HPSE2: variants seen among roughly 807,000 people sequenced by gnomAD.
HPSE2 encodes the protein inactive heparanase-2.
In HPSE2, 38 loss-of-function variants were observed where a neutral mutation model predicts 60.5. The observed-to-expected ratio is 0.63, with a 90% CI of 0.48 to 0.82. The LOEUF (loss-of-function observed/expected upper bound fraction) is 0.82, where lower values mean the gene tolerates loss of function less well. Among genes scored for constraint, HPSE2 ranks in the 40% least tolerant of loss-of-function variants. The pLI is 0.00. For synonymous variants in HPSE2, 295 were observed against 293.2 expected, an observed-to-expected ratio of 1.01 and a Z score of -0.06; for missense variants, 713 against 740.4, an observed-to-expected ratio of 0.96 and a Z score of 0.43.
At chr10:98,960,720 TGTTTTA>T (rs1363162659) in intron 3 of HPSE2, among the ~76,000 whole-genome samples, 3,735 of 69,248 alleles carry the variant, frequency 0.054, 60 homozygotes, top group Middle Eastern at 0.12. Context: ...TTTTTTTTTT[TGTTTTA>T]TTTTTTTTAT....
In HPSE2 at chr10:98,614,912, G is replaced by T. The variant is rs1945861680; in HGVS notation, c.1312C>A (p.Pro438Thr). Residue 438 changes from proline (P) to threonine (T), a missense_variant, in exon 9 of 12, where the codon CCA becomes ACA. Coordinates refer to ENST00000370552, the MANE Select transcript of HPSE2 (RefSeq NM_021828.5). ...CTTTATCCCACACTTACTGGTAATG[G>T]GTTAAAATTCTGGTCCACGAGGTGA... Reference protein sequence around the residue: ...YNHLVDQNFNPLPDYWLSLLY... With the variant: ...YNHLVDQNFNTLPDYWLSLLY... 1 of 1,607,194 alleles carries T rather than the reference G, an allele frequency of 6.2e-7. No homozygotes were observed. Among genetic ancestry groups the T allele is most frequent in the Admixed American group, 1.7e-5 (1 of 59,986 alleles).
At chr10:98,952,404 G>A (rs1000416170) in intron 3 of HPSE2, among the ~76,000 whole-genome samples, 2 of 151,478 alleles carry the variant, frequency 1.3e-5, no homozygotes, top group African/African-American at 4.9e-5. Flanking sequence ...TTTGGAAGGT[G>A]GAAAGGAGTG....
At chr10:99,000,476 A>C (rs1956752665) in intron 3 of HPSE2, among the ~76,000 whole-genome samples, 2 of 152,160 alleles carry the variant, frequency 1.3e-5, no homozygotes, top group Non-Finnish European at 1.5e-5. Context: ...GCATAGAGTG[A>C]CAAGAGATAA....
chr10:98,843,120 G>C (rs1358371949), intron 3 of HPSE2, among the ~76,000 whole-genome samples: 1 of 151,972 alleles, frequency 6.6e-6, no homozygotes, highest in Non-Finnish European at 1.5e-5. Context: ...TTGTGATACA[G>C]ATTATTTCAT....
intron 6 of HPSE2, among the ~76,000 whole-genome samples, chr10:98,687,043 A>G (rs1397867402): frequency 6.6e-6 from 1 of 151,686 alleles, no homozygotes; most frequent in East Asian, 1.9e-4. Context: ...GGATTTTTCT[A>G]TTTTTTTCTC....
chr10:98,473,287 C>G (rs1025545992), intron 11 of HPSE2, among the ~76,000 whole-genome samples: 3 of 151,868 alleles, frequency 2.0e-5, no homozygotes, highest in African/African-American at 7.3e-5. Context: ...GAGTTTGAGA[C>G]CAGCCTGACC....
At chr10:98,727,000 C>G (rs181823891) in intron 4 of HPSE2, among the ~76,000 whole-genome samples, 1 of 152,196 alleles carries the variant, frequency 6.6e-6, no homozygotes, top group Non-Finnish European at 1.5e-5. Context: ...TAAGCAAAAC[C>G]TCTGATCAAT....
chr10:98,495,594 A>G (rs1300767233), intron 9 of HPSE2, among the ~76,000 whole-genome samples: 1 of 151,926 alleles, frequency 6.6e-6, no homozygotes, highest in Non-Finnish European at 1.5e-5. Flanking sequence ...TGTTCCTCAG[A>G]CTAGATAATT....
chr10:99,232,334 A>C lies in HPSE2; in HGVS notation c.448+14T>G, dbSNP rs1849682004. 1 of 1,551,512 alleles carries C rather than the reference A, an allele frequency of 6.4e-7. No homozygotes were observed. The highest frequency in any genetic ancestry group is 1.4e-5 in the African/African-American group (1 of 73,154). On this transcript the variant is annotated intron_variant, in intron 2 of 11. Transcript: ENST00000370552. The stretch of plus-strand genomic sequence containing the variant: ...TCCGCTCCCCAAATAAAGAATGGTA[A>C]TCAAGTTTCTCACCATCCTCATAGT...
chr10:99,131,101 C>A (rs765083681), intron 3 of HPSE2, among the ~76,000 whole-genome samples: 5 of 152,160 alleles, frequency 3.3e-5, no homozygotes, highest in Non-Finnish European at 7.3e-5. Flanking sequence ...ATGATCATCT[C>A]AATAGATACA....
At chr10:99,184,819 T>TATAGAGAG (rs1554912295) in intron 2 of HPSE2, among the ~76,000 whole-genome samples, 2 of 19,866 alleles carry the variant, frequency 1.0e-4, no homozygotes, top group African/African-American at 3.3e-4. Context: ...TATATATATA[T>TATAGAGAG]AGAGAGAGAG....
At chr10:99,192,795 T>C (rs1848265990) in intron 2 of HPSE2, among the ~76,000 whole-genome samples, 1 of 152,030 alleles carries the variant, frequency 6.6e-6, no homozygotes, top group Admixed American at 6.6e-5. Context: ...AGCAAAAATA[T>C]CCTTCAGACA....
intron 3 of HPSE2, among the ~76,000 whole-genome samples, chr10:98,893,176 T>TC (rs371735091): frequency 7.9e-5 from 12 of 152,296 alleles, no homozygotes; most frequent in African/African-American, 2.6e-4. Context: ...CAAGCGGTTC[T>TC]CCTGCCTCAT....
intron 3 of HPSE2, among the ~76,000 whole-genome samples, chr10:98,770,098 C>T (rs1048015927): frequency 6.6e-6 from 1 of 152,084 alleles, no homozygotes; most frequent in African/African-American, 2.4e-5. Flanking sequence ...TCCAAGTGGC[C>T]TTGCATGGCT....
chr10:98,515,875 G>A (rs778612181), intron 9 of HPSE2, among the ~76,000 whole-genome samples: 2 of 152,142 alleles, frequency 1.3e-5, no homozygotes, highest in African/African-American at 2.4e-5. Flanking sequence ...CAAGCACCTC[G>A]TATGTAAAAT....
At chr10:99,038,095 CA>C (rs1405030798) in intron 3 of HPSE2, among the ~76,000 whole-genome samples, 2 of 152,054 alleles carry the variant, frequency 1.3e-5, no homozygotes, top group African/African-American at 4.8e-5. Context: ...ATGGTATAGT[CA>C]CTTTGGAAAA....
At chr10:98,915,894 G>A (rs558749216) in intron 3 of HPSE2, among the ~76,000 whole-genome samples, 23 of 152,308 alleles carry the variant, frequency 1.5e-4, no homozygotes, top group African/African-American at 5.1e-4. Context: ...TGGAAAGAGT[G>A]CAATGGACAG....
At chr10:99,014,347 G>A (rs2135409071) in intron 3 of HPSE2, among the ~76,000 whole-genome samples, 1 of 152,324 alleles carries the variant, frequency 6.6e-6, no homozygotes, top group East Asian at 1.9e-4. Flanking sequence ...TCTTTATCCA[G>A]TGTATCATTC....
At chr10:98,510,170 A>C (rs1158240418) in intron 9 of HPSE2, among the ~76,000 whole-genome samples, 1 of 151,994 alleles carries the variant, frequency 6.6e-6, no homozygotes. Flanking sequence ...ATATTTTTGA[A>C]ATGTTTTGTC....
Sources: gnomAD v4.1 joint callset for allele counts (sites outside exome capture counted in the v4.1 genomes callset) on GRCh38, gnomAD v4.1.1 for gene constraint, MANE v1.5 for transcripts, NCBI Gene and HGNC (gene_info 2026-07-23, HGNC 2026-07-21) for gene names.